Variants in LRP1B observed in about 807,000 individuals in gnomAD.
LRP1B encodes low-density lipoprotein receptor-related protein 1B.
Under a neutral mutation model 556.6 loss-of-function variants are expected in LRP1B, and 217 were observed. The observed-to-expected ratio is 0.39, with a 90% CI of 0.35 to 0.44. LRP1B has a LOEUF of 0.44. Ranked by LOEUF, LRP1B falls within the 20% of genes least tolerant of loss-of-function variation. The pLI, the probability that LRP1B is intolerant of heterozygous loss-of-function variation, is 1.00. For missense variants in LRP1B, 5,053 were observed against 5,620.8 expected (o/e 0.90, Z 3.23); for synonymous variants, 2,047 against 1,865.8 (o/e 1.10, Z -2.50).
intron 3 of LRP1B, among the ~76,000 whole-genome samples, chr2:141,467,549 TC>T (rs1437519032): frequency 2.6e-5 from 4 of 152,080 alleles, no homozygotes; most frequent in Non-Finnish European, 5.9e-5. Flanking sequence ...TTGGTTTCAG[TC>T]CAGCCTGAAG....
At chr2:140,659,106 T>TG (rs1003594814) in intron 41 of LRP1B, among the ~76,000 whole-genome samples, 3 of 130,748 alleles carry the variant, frequency 2.3e-5, no homozygotes, top group Non-Finnish European at 4.9e-5. Context: ...CTGTTTTTTT[T>TG]TTTTTTTTTT....
intron 66 of LRP1B, among the ~76,000 whole-genome samples, chr2:140,416,559 G>A (rs925424544): frequency 2.0e-5 from 3 of 152,114 alleles, no homozygotes; most frequent in African/African-American, 7.2e-5. Flanking sequence ...AGGAGGCTGA[G>A]GTGGGAGTAT....
intron 20 of LRP1B, among the ~76,000 whole-genome samples, chr2:140,946,394 GT>G (rs1167398905): frequency 1.3e-5 from 2 of 152,156 alleles, no homozygotes; most frequent in Non-Finnish European, 2.9e-5. Context: ...GAAGTCAGGA[GT>G]TTGAGACCAG....
chr2:141,426,966 G>C (rs139631663), intron 3 of LRP1B, among the ~76,000 whole-genome samples: 8,166 of 152,192 alleles, frequency 0.054, 293 homozygotes, highest in South Asian at 0.13. Context: ...ATGGTGGTTT[G>C]CTGCACCCAT....
In LRP1B at chr2:140,321,954, T is replaced by C. The variant is rs200813339; in HGVS notation, c.12640+9A>G. ...ATTCATTATTTACAGAATAATAAAG[T>C]ATACCCACCTAACAGGCTGTCATCA... On this transcript the variant is annotated intron_variant, in intron 82 of 90. Coordinates refer to ENST00000389484, the MANE Select transcript of LRP1B (RefSeq NM_018557.3). 6 of 1,609,742 alleles carry C rather than the reference T, an allele frequency of 3.7e-6. No individual in the cohort carries two copies. The East Asian group carries it at 1.1e-4, about 30-fold the overall frequency.
intron 1 of LRP1B, among the ~76,000 whole-genome samples, chr2:142,076,279 T>C (rs1705498560): frequency 6.6e-6 from 1 of 152,074 alleles, no homozygotes; most frequent in African/African-American, 2.4e-5. Flanking sequence ...CTATCTACAT[T>C]TTACAAATAA....
chr2:140,864,733 T>C (rs1692898196), intron 27 of LRP1B, among the ~76,000 whole-genome samples: 1 of 152,006 alleles, frequency 6.6e-6, no homozygotes, highest in Admixed American at 6.6e-5. Context: ...TTAGATGGCT[T>C]CGTGAATTAT....
intron 7 of LRP1B, among the ~76,000 whole-genome samples, chr2:141,133,302 TTTC>T (rs1018123322): frequency 1.1e-4 from 16 of 147,430 alleles, no homozygotes; most frequent in African/African-American, 3.4e-4. Flanking sequence ...TTTTTTTTTT[TTTC>T]CACAATACTG....
At chr2:140,882,031 T>C (rs572256686) in intron 25 of LRP1B, among the ~76,000 whole-genome samples, 1 of 152,292 alleles carries the variant, frequency 6.6e-6, no homozygotes, top group African/African-American at 2.4e-5. Flanking sequence ...ATACACCTGG[T>C]TTTTTGTTTG....
intron 1 of LRP1B, among the ~76,000 whole-genome samples, chr2:141,854,983 A>G (rs567061004): frequency 6.6e-6 from 1 of 152,228 alleles, no homozygotes; most frequent in Admixed American, 6.5e-5. Context: ...TGAAGTATGT[A>G]GTAAGTAATA....
intron 7 of LRP1B, among the ~76,000 whole-genome samples, chr2:141,114,783 T>C (rs960780767): frequency 6.6e-6 from 1 of 152,076 alleles, no homozygotes; most frequent in African/African-American, 2.4e-5. Context: ...CTCCTGTTTG[T>C]ATAAATTGTC....
chr2:141,968,757 T>A (rs768803825), intron 1 of LRP1B, among the ~76,000 whole-genome samples: 3 of 151,698 alleles, frequency 2.0e-5, no homozygotes, highest in Admixed American at 2.0e-4. Flanking sequence ...ATGTGCCCCC[T>A]TGCTCTGGTT....
At chr2:142,050,693 A>T (rs965632715) in intron 1 of LRP1B, among the ~76,000 whole-genome samples, 4 of 152,182 alleles carry the variant, frequency 2.6e-5, no homozygotes, top group Non-Finnish European at 5.9e-5. Context: ...TTGAACGAGT[A>T]GCTTATATGA....
intron 2 of LRP1B, among the ~76,000 whole-genome samples, chr2:141,674,154 T>C (rs1690785266): frequency 6.6e-6 from 1 of 152,096 alleles, no homozygotes; most frequent in Non-Finnish European, 1.5e-5. Context: ...ACATGGGACA[T>C]GTTATATGGT....
chr2:141,424,340 C>T (rs1680271169), intron 3 of LRP1B, among the ~76,000 whole-genome samples: 2 of 152,098 alleles, frequency 1.3e-5, no homozygotes, highest in Admixed American at 1.3e-4. Context: ...CTCAAATTTT[C>T]GACCTCAGGT....
intron 3 of LRP1B, among the ~76,000 whole-genome samples, chr2:141,473,950 CAA>C (rs1435014965): frequency 2.1e-5 from 1 of 47,114 alleles, no homozygotes; most frequent in African/African-American, 6.7e-5. Context: ...AAATTAAAAA[CAA>C]CAATAAAGAG....
chr2:141,371,471 GTTATT>G (rs937277628), intron 3 of LRP1B, among the ~76,000 whole-genome samples: 49 of 152,234 alleles, frequency 3.2e-4, no homozygotes, highest in African/African-American at 1.2e-3. Context: ...GAGCAATATG[GTTATT>G]TTAACAATAT....
intron 2 of LRP1B, among the ~76,000 whole-genome samples, chr2:141,596,249 A>G (rs560301357): frequency 1.1e-3 from 161 of 152,160 alleles, no homozygotes; most frequent in Non-Finnish European, 1.8e-3. Context: ...TATAATTAAG[A>G]ATGAAAAAAA....
At chr2:141,526,454 A>T (rs933789979) in intron 2 of LRP1B, among the ~76,000 whole-genome samples, 3 of 152,090 alleles carry the variant, frequency 2.0e-5, no homozygotes, top group Admixed American at 6.6e-5. Flanking sequence ...GTGAAGCAAC[A>T]TTAATATTAA....
Sources: allele counts gnomAD v4.1 joint callset (sites outside exome capture counted in the v4.1 genomes callset), GRCh38; gene constraint gnomAD v4.1.1; transcripts MANE v1.5; gene names NCBI Gene and HGNC (gene_info 2026-07-23, HGNC 2026-07-21).